The following CTBP2 variants were observed in gnomAD, a reference collection of about 807,000 sequenced individuals.
The protein encoded by CTBP2 is C-terminal-binding protein 2.
A neutral mutation model predicts 80.3 loss-of-function variants in CTBP2; 30 were observed. The observed-to-expected ratio is 0.37, with a 90% CI of 0.28 to 0.51. The LOEUF (loss-of-function observed/expected upper bound fraction) is 0.51. Among genes scored for constraint, CTBP2 ranks in the 20% least tolerant of loss-of-function variants. CTBP2 has a pLI of 0.93. For synonymous variants in CTBP2, 594 were observed against 587.4 expected, an observed-to-expected ratio of 1.01 and a Z score of -0.16; for missense variants, 1,212 against 1,375.3, an observed-to-expected ratio of 0.88 and a Z score of 1.88.
At chr10:125,085,348 CAA>C (rs1684202271) in intron 2 of CTBP2, among the ~76,000 whole-genome samples, 1 of 152,222 alleles carries the variant, frequency 6.6e-6, no homozygotes, top group Admixed American at 6.5e-5. Context: ...ATGGTGAAGA[CAA>C]AGTCATTACG....
intron 1 of CTBP2, among the ~76,000 whole-genome samples, chr10:125,155,403 CTT>C (rs545975275): frequency 3.4e-5 from 5 of 147,246 alleles, no homozygotes; most frequent in Admixed American, 6.8e-5. Flanking sequence ...TGAATCCCCC[CTT>C]TTTTTTTTTA....
intron 1 of CTBP2, among the ~76,000 whole-genome samples, chr10:125,136,499 T>C (rs1309074583): frequency 2.0e-5 from 3 of 152,196 alleles, no homozygotes; most frequent in African/African-American, 7.2e-5. Context: ...CCCAGCTCAT[T>C]AGCCTTGAGT....
At chr10:125,024,512 T>C (rs1427351516) in intron 1 of CTBP2, among the ~76,000 whole-genome samples, 1 of 152,152 alleles carries the variant, frequency 6.6e-6, no homozygotes, top group African/African-American at 2.4e-5. Context: ...AAGGCAAGTC[T>C]AAAATAAACA....
intron 2 of CTBP2, among the ~76,000 whole-genome samples, chr10:125,107,885 AT>A (rs1851697121): frequency 6.6e-6 from 1 of 152,250 alleles, no homozygotes; most frequent in African/African-American, 2.4e-5. Flanking sequence ...ACGTAATATA[AT>A]AAAAGTTAAG....
intron 1 of CTBP2, among the ~76,000 whole-genome samples, chr10:125,008,490 T>C (rs958628478): frequency 1.3e-5 from 2 of 152,216 alleles, no homozygotes; most frequent in Non-Finnish European, 2.9e-5. Context: ...AGTAGTGGCC[T>C]TGCAGGAGGG....
At chr10:125,111,500 C>T (rs370011457) in intron 1 of CTBP2, among the ~76,000 whole-genome samples, 14 of 152,310 alleles carry the variant, frequency 9.2e-5, no homozygotes, top group Non-Finnish European at 1.5e-4. Flanking sequence ...CATGAGCCCA[C>T]GGTTTATAAG....
chr10:125,038,288 A>G (rs190197036), intron 3 of CTBP2, among the ~76,000 whole-genome samples: 10 of 152,192 alleles, frequency 6.6e-5, no homozygotes, highest in Admixed American at 5.9e-4. Flanking sequence ...CTGCGGAGCC[A>G]TCTTCGCTTC....
At chr10:125,003,588 T>C (rs1196365975) in intron 1 of CTBP2, 96 bp from the exon 4 acceptor site, 2 of 1,034,490 alleles carry the variant, frequency 1.9e-6, no homozygotes, top group Non-Finnish European at 1.4e-6. Context: ...GGGCAGGGCT[T>C]GGGCAAGCGA....
intron 2 of CTBP2, among the ~76,000 whole-genome samples, chr10:125,069,086 G>T (rs758740787): frequency 6.6e-6 from 1 of 152,108 alleles, no homozygotes; most frequent in East Asian, 1.9e-4. Flanking sequence ...AAACAGTCTC[G>T]GGGCTGGCCT....
At chr10:125,143,130 C>A (rs558876671) in intron 1 of CTBP2, among the ~76,000 whole-genome samples, 55 of 152,298 alleles carry the variant, frequency 3.6e-4, no homozygotes, top group East Asian at 2.7e-3. Context: ...GCAGCCCCCC[C>A]ACGACATCCC....
chr10:125,090,308 G>A (rs1240545802), intron 2 of CTBP2, among the ~76,000 whole-genome samples: 2 of 107,394 alleles, frequency 1.9e-5, no homozygotes, highest in Admixed American at 1.7e-4. Flanking sequence ...AAAAAGGTTG[G>A]GGGGATGGGA....
At chr10:125,029,399 A>G (rs536221910), upstream of CTBP2, among the ~76,000 whole-genome samples, 1 of 152,054 alleles carries the variant, frequency 6.6e-6, no homozygotes, top group East Asian at 1.9e-4. Context: ...GCACCACCAC[A>G]CCCAGCTAAT....
At position 125,103,567 on chromosome 10, in the gene CTBP2, C is replaced by G. The variant is rs190396534; in HGVS notation, c.-102+7423G>C. On this transcript the variant is annotated intron_variant, in intron 2 of 10. Transcript: ENST00000337195. ...CCCTCCAGACAACAGGCCACCCAGG[C>G]AGAGGGAGCCCAAATGCTCACAGGA... Among the ~76,000 whole-genome samples the G allele has an allele frequency of 1.6e-3, 237 of 152,290 alleles. 3 individuals are homozygous for G. The highest frequency in any genetic ancestry group is 5.6e-3 in the African/African-American group (233 of 41,552).
intron 3 of CTBP2, among the ~76,000 whole-genome samples, chr10:125,033,384 C>A (rs1194923948): frequency 6.6e-6 from 1 of 152,194 alleles, no homozygotes; most frequent in Non-Finnish European, 1.5e-5. Flanking sequence ...CGAGCGCGCA[C>A]GCCAAGGTGC....
chr10:125,151,270 G>A (rs878988675), intron 1 of CTBP2, among the ~76,000 whole-genome samples: 1 of 152,138 alleles, frequency 6.6e-6, no homozygotes, highest in Non-Finnish European at 1.5e-5. Flanking sequence ...ACCACTCTGC[G>A]CTCGGACAAC....
At chr10:125,113,169 G>A (rs1409953231) in intron 1 of CTBP2, among the ~76,000 whole-genome samples, 5 of 152,208 alleles carry the variant, frequency 3.3e-5, no homozygotes, top group African/African-American at 1.2e-4. Context: ...CCTCAGAAGT[G>A]TTAGGAAGGG....
At chr10:125,098,026 CAGG>C (rs1849814797) in intron 2 of CTBP2, among the ~76,000 whole-genome samples, 1 of 152,122 alleles carries the variant, frequency 6.6e-6, no homozygotes, top group Admixed American at 6.5e-5. Flanking sequence ...GAGGCTGAGG[CAGG>C]AGAACTGCTT....
intron 1 of CTBP2, among the ~76,000 whole-genome samples, chr10:125,125,994 C>G (rs1855175791): frequency 6.6e-6 from 1 of 152,238 alleles, no homozygotes; most frequent in Admixed American, 6.5e-5. Flanking sequence ...GATGACATGC[C>G]TAACCCAGTC....
intron 1 of CTBP2, among the ~76,000 whole-genome samples, chr10:125,150,976 G>A (rs1459749050): frequency 4.0e-5 from 6 of 151,142 alleles, no homozygotes; most frequent in Non-Finnish European, 8.8e-5. Context: ...CAAGCACAGC[G>A]CTGTCCTCGC....
Sources: gnomAD v4.1 joint callset for allele counts (sites outside exome capture counted in the v4.1 genomes callset) on GRCh38, gnomAD v4.1.1 for gene constraint, MANE v1.5 for transcripts, NCBI Gene and HGNC (gene_info 2026-07-23, HGNC 2026-07-21) for gene names.